The following MRPL13 variants were observed in gnomAD, a reference collection of about 807,000 sequenced individuals.
The protein encoded by MRPL13 is large ribosomal subunit protein uL13m.
MRPL13 carries 33 observed loss-of-function variants against 29.0 expected under a neutral mutation model. That is an observed-to-expected ratio of 1.14 (90% CI 0.86 to 1.52). MRPL13 has a LOEUF of 1.52. Among genes scored for constraint, MRPL13 ranks in the 40% most tolerant of loss-of-function variants. MRPL13 has a pLI of 0.00. For synonymous variants in MRPL13, 77 were observed against 68.4 expected (o/e 1.13, Z -0.62); for missense variants, 227 against 216.7 (o/e 1.05, Z -0.30).
At chr8:120,424,799 T>C (rs1812914257) in intron 4 of MRPL13, among the ~76,000 whole-genome samples, 1 of 151,860 alleles carries the variant, frequency 6.6e-6, no homozygotes, top group Non-Finnish European at 1.5e-5. Flanking sequence ...TAAAATAAAA[T>C]GAAAGTAGTT....
intron 4 of MRPL13, among the ~76,000 whole-genome samples, chr8:120,423,385 A>G (rs1812895693): frequency 6.6e-6 from 1 of 152,060 alleles, no homozygotes; most frequent in Non-Finnish European, 1.5e-5. Context: ...GAGCTAACAC[A>G]TTTCCAGAAC....
rs1813191666 is a variant in MRPL13, at chr8:120,445,124, TC to T, written c.-31del. On this transcript the variant is annotated 5_prime_UTR_variant, in exon 1 of 7. Transcript: ENST00000306185. ...CTCTACTAGCAGGACCGTACGTCCT[TC>T]TCCTAGTAGCCACGCCGGGTCACTC... 1 of 1,613,484 alleles carries T rather than the reference TC, an allele frequency of 6.2e-7. No homozygotes were observed. The highest frequency in any genetic ancestry group is 8.5e-7 in the Non-Finnish European group (1 of 1,179,836).
At chr8:120,441,418 T>G (rs983657567) in intron 2 of MRPL13, among the ~76,000 whole-genome samples, 1 of 152,054 alleles carries the variant, frequency 6.6e-6, no homozygotes, top group African/African-American at 2.4e-5. Context: ...ACTTCCAATT[T>G]TTGGTGAGAA....
At chr8:120,413,611 A>T (rs1812766726) in intron 6 of MRPL13, among the ~76,000 whole-genome samples, 1 of 152,206 alleles carries the variant, frequency 6.6e-6, no homozygotes, top group Non-Finnish European at 1.5e-5. Context: ...CCAAGACAAC[A>T]AGTATCCAAA....
chr8:120,403,843 A>G (rs1812633677), intron 6 of MRPL13, among the ~76,000 whole-genome samples: 1 of 152,202 alleles, frequency 6.6e-6, no homozygotes, highest in Non-Finnish European at 1.5e-5. Context: ...CTACCAGCTG[A>G]GTAAAATAAC....
chr8:120,413,480 A>C (rs1812764983), intron 6 of MRPL13, among the ~76,000 whole-genome samples: 1 of 152,218 alleles, frequency 6.6e-6, no homozygotes, highest in African/African-American at 2.4e-5. Context: ...CTGGCAAAAA[A>C]GCCTAGAAAC....
chr8:120,421,176 T>C (rs561109555), intron 4 of MRPL13, among the ~76,000 whole-genome samples: 29 of 151,906 alleles, frequency 1.9e-4, no homozygotes, highest in African/African-American at 7.0e-4. Flanking sequence ...GCCATAGAAG[T>C]AACTTATTAT....
chr8:120,402,867 C>T (rs1488501850), intron 6 of MRPL13, among the ~76,000 whole-genome samples: 1 of 152,114 alleles, frequency 6.6e-6, no homozygotes, highest in East Asian at 1.9e-4. Flanking sequence ...TAAAAGAAGA[C>T]ATTCATGAGG....
At chr8:120,424,770 A>G (rs1485929815) in intron 4 of MRPL13, among the ~76,000 whole-genome samples, 1 of 152,074 alleles carries the variant, frequency 6.6e-6, no homozygotes, top group South Asian at 2.1e-4. Flanking sequence ...TGTCTCCAGA[A>G]AAATAAATAA....
At position 120,409,427 on chromosome 8, in the gene MRPL13, T is replaced by C. The variant is rs1474628904; in HGVS notation, c.515+4564A>G. Among the ~76,000 whole-genome samples, 5 of 152,312 alleles carry C rather than the reference T, an allele frequency of 3.3e-5. No homozygotes were observed. In the South Asian group the frequency reaches 8.3e-4, roughly 25 times the overall value. On this transcript the variant is annotated intron_variant, in intron 6 of 6. Coordinates refer to ENST00000306185, the MANE Select transcript of MRPL13 (RefSeq NM_014078.6). Reference sequence around the variant, plus strand: ...TGAGCATGATTAATTTCCATGATTATTGGGGTTGTGAAATGTGTTGGCAAA... The same window carrying C: ...TGAGCATGATTAATTTCCATGATTACTGGGGTTGTGAAATGTGTTGGCAAA...
chr8:120,430,992 A>G (rs1036513897), intron 3 of MRPL13, among the ~76,000 whole-genome samples: 2 of 152,172 alleles, frequency 1.3e-5, no homozygotes, highest in Non-Finnish European at 2.9e-5. Flanking sequence ...AACTTGGTTT[A>G]TACATAGAGA....
At chr8:120,398,795 T>G (rs1450301511) in intron 6 of MRPL13, among the ~76,000 whole-genome samples, 3 of 152,166 alleles carry the variant, frequency 2.0e-5, no homozygotes, top group Non-Finnish European at 2.9e-5. Context: ...ATAGCCAGTT[T>G]AGAGAGGAGC....
At chr8:120,400,729 TAAATAAATAAATA>T (rs1166190695) in intron 6 of MRPL13, among the ~76,000 whole-genome samples, 17 of 135,956 alleles carry the variant, frequency 1.3e-4, no homozygotes, top group African/African-American at 5.0e-4. Flanking sequence ...AATAAATAAA[TAAATAAATAAATA>T]AAAAAAATAG....
Position 120,438,256 on chromosome 8 carries a change from T to A in MRPL13, c.151+4929A>T, listed in dbSNP as rs923604706. Among the ~76,000 whole-genome samples the A allele has an allele frequency of 2.0e-5, 3 of 152,128 alleles. No homozygotes were observed. The South Asian group carries it at 6.2e-4, about 32-fold the overall frequency. On this transcript the variant is annotated intron_variant, in intron 2 of 6. Coordinates refer to ENST00000306185, the MANE Select transcript of MRPL13 (RefSeq NM_014078.6). ...GTACACGCCTATAGTCCCAGCTACC[T>A]GGGAGGCTCAGAAGGTGGAGGCTGC...
chr8:120,407,363 T>C (rs551681984), intron 6 of MRPL13, among the ~76,000 whole-genome samples: 1 of 152,142 alleles, frequency 6.6e-6, no homozygotes, highest in Non-Finnish European at 1.5e-5. Flanking sequence ...TACATTAAGA[T>C]AAGTGACACT....
chr8:120,423,871 T>C (rs1278513413), intron 4 of MRPL13, among the ~76,000 whole-genome samples: 1 of 151,780 alleles, frequency 6.6e-6, no homozygotes, highest in Non-Finnish European at 1.5e-5. Flanking sequence ...ATTGGAAGAG[T>C]TTTTTTAAAA....
At position 120,413,905 on chromosome 8, in the gene MRPL13, C is replaced by T. The variant is rs189022472; in HGVS notation, c.515+86G>A. On this transcript the variant is annotated intron_variant, in intron 6 of 6. Coordinates refer to ENST00000306185, the MANE Select transcript of MRPL13 (RefSeq NM_014078.6). ...AGCAAAAAAATGAGTTCACTCTTCC[C>T]GCCCTCAAGGATCTTATTTAATCAT... The T allele has an allele frequency of 7.9e-4, 1,080 of 1,368,402 alleles. 6 individuals carry two copies. The African/African-American group carries it at 0.014, about 18-fold the overall frequency. 84.8% of individuals were successfully genotyped at this position (1,368,402 alleles called of 1,614,324 possible).
At chr8:120,428,687 C>A (rs1812961082) in intron 3 of MRPL13, among the ~76,000 whole-genome samples, 1 of 152,014 alleles carries the variant, frequency 6.6e-6, no homozygotes, top group Non-Finnish European at 1.5e-5. Flanking sequence ...CAGGAACATA[C>A]CCTTTCCAAA....
intron 4 of MRPL13, among the ~76,000 whole-genome samples, chr8:120,422,486 T>A (rs543509459): frequency 9.3e-4 from 140 of 150,838 alleles, no homozygotes; most frequent in African/African-American, 3.2e-3. Flanking sequence ...TAAACATTAA[T>A]GAACCATATA....
Sources: allele counts gnomAD v4.1 joint callset (sites outside exome capture counted in the v4.1 genomes callset), GRCh38; gene constraint gnomAD v4.1.1; transcripts MANE v1.5; gene names NCBI Gene and HGNC (gene_info 2026-07-23, HGNC 2026-07-21).